Variants in COG3 observed in about 807,000 individuals in gnomAD.
COG3 encodes conserved oligomeric Golgi complex subunit 3.
In COG3, 32 loss-of-function variants were observed where a neutral mutation model predicts 114.1. The ratio of observed to expected loss-of-function variants is 0.28; its 90% CI spans 0.21 to 0.38. COG3 has a LOEUF of 0.38. COG3 is among the 10% of genes least tolerant of loss of function. COG3 has a pLI of 1.00. For synonymous variants in COG3, 352 were observed against 365.7 expected (o/e 0.96, Z 0.43); for missense variants, 813 against 973.2 (o/e 0.84, Z 2.19).
intron 16 of COG3, among the ~76,000 whole-genome samples, chr13:45,514,738 C>A (rs1871359691): frequency 6.6e-6 from 1 of 152,022 alleles, no homozygotes; most frequent in Non-Finnish European, 1.5e-5. Flanking sequence ...AGCTCCGCCT[C>A]CCAGGTTCAC....
chr13:45,502,625 AT>A lies in COG3; in HGVS notation c.1489-608del, dbSNP rs957440386. Among the ~76,000 whole-genome samples the A allele has an allele frequency of 1.2e-3, 179 of 148,316 alleles. 1 individual carries two copies. Among genetic ancestry groups the A allele is most frequent in the Non-Finnish European group, 1.8e-3 (117 of 66,752 alleles). On this transcript the variant is annotated intron_variant, in intron 13 of 22. Coordinates refer to ENST00000349995, the MANE Select transcript of COG3 (RefSeq NM_031431.4). ...TTCCTAATCAATTCTCTGGCTATTA[AT>A]TTTTTTTTTTAATTTCAATAGTTTT...
Position 45,485,988 on chromosome 13 carries a change from C to T in COG3, c.844-507C>T, listed in dbSNP as rs1450236178. 1.5e-4 allele frequency among the ~76,000 whole-genome samples: 9 copies of T among 60,310 alleles called. 1 individual carries two copies. In the South Asian group the frequency reaches 5.4e-3, roughly 36 times the overall value. The allele number at this position is 60,310 out of a possible 152,430, so 39.6% of individuals were successfully genotyped here. On this transcript the variant is annotated intron_variant, in intron 7 of 22. Coordinates refer to ENST00000349995, the MANE Select transcript of COG3 (RefSeq NM_031431.4). ...CTGGGAGGTGTAGGTTGTAGTGAGCCGAGATCACGCCACTGCACTCCAGCC... is the reference window on the plus strand; with the variant it reads ...CTGGGAGGTGTAGGTTGTAGTGAGCTGAGATCACGCCACTGCACTCCAGCC...
At position 45,534,872 on chromosome 13, in the gene COG3, G is replaced by C; in HGVS notation, c.*141G>C. The C allele has an allele frequency of 7.7e-7, 1 of 1,291,808 alleles. No homozygotes were observed. The highest frequency in any genetic ancestry group is 9.8e-7 in the Non-Finnish European group (1 of 1,021,134). The allele number at this position is 1,291,808 out of a possible 1,614,324, so 80.0% of individuals were successfully genotyped here. A position where few individuals can be genotyped will look rare whatever the true frequency, so the allele number is the denominator to read the frequency against. On this transcript the variant is annotated 3_prime_UTR_variant, in exon 23 of 23. Coordinates refer to ENST00000349995, the MANE Select transcript of COG3 (RefSeq NM_031431.4). ...AGCGTGCTGCTCAGTGCTGACTGCA[G>C]AATGAAATAGAAGCAAAGTGTTACA...
At chr13:45,465,274 C>A in intron 1 of COG3, 64 bp downstream of exon 1, 1 of 1,575,988 alleles carries the variant, frequency 6.3e-7, no homozygotes, top group Non-Finnish European at 8.6e-7. Context: ...GGCGCCCCGG[C>A]AGGACCCCGG....
At chr13:45,514,647 C>CT (rs953535890) in intron 16 of COG3, among the ~76,000 whole-genome samples, 25 of 148,364 alleles carry the variant, frequency 1.7e-4, no homozygotes, top group Non-Finnish European at 3.0e-4. Context: ...AGCTTGTGTA[C>CT]TTTTTTTTTT....
At chr13:45,478,000 T>C (rs1325501487) in intron 2 of COG3, among the ~76,000 whole-genome samples, 1 of 152,186 alleles carries the variant, frequency 6.6e-6, no homozygotes, top group Admixed American at 6.5e-5. Flanking sequence ...TTAGATAACG[T>C]TAATATTGAT....
chr13:45,496,008 G>A, intron 12 of COG3, 144 bp from the exon 13 acceptor site: 1 of 611,724 alleles, frequency 1.6e-6, no homozygotes, highest in Admixed American at 3.5e-5. Flanking sequence ...AGCTCATTGA[G>A]TCATGCTGAA....
At chr13:45,480,925 A>G (rs1202193714) in intron 4 of COG3, among the ~76,000 whole-genome samples, 1 of 152,220 alleles carries the variant, frequency 6.6e-6, no homozygotes, top group Non-Finnish European at 1.5e-5. Context: ...GAAAAGATCA[A>G]CTGATTGATT....
chr13:45,532,722 AT>A (rs901774925), intron 22 of COG3, among the ~76,000 whole-genome samples: 7 of 151,082 alleles, frequency 4.6e-5, no homozygotes, highest in Admixed American at 4.0e-4. Context: ...GGCCCCGCCA[AT>A]TTTTTTTATA....
intron 13 of COG3, 71 bp downstream of exon 13, chr13:45,496,383 A>T (rs867934794): frequency 6.0e-5 from 69 of 1,148,682 alleles, no homozygotes; most frequent in Admixed American, 7.8e-5. Flanking sequence ...TTATTTTTTT[A>T]AAAATTTATA....
chr13:45,503,942 CT>C (rs1406946413), intron 14 of COG3, among the ~76,000 whole-genome samples: 1 of 152,072 alleles, frequency 6.6e-6, no homozygotes, highest in Non-Finnish European at 1.5e-5. Flanking sequence ...GAGTAAAATA[CT>C]ATTGACACAG....
At chr13:45,507,623 G>A (rs1051643005) in intron 14 of COG3, among the ~76,000 whole-genome samples, 7 of 152,144 alleles carry the variant, frequency 4.6e-5, no homozygotes, top group Non-Finnish European at 7.4e-5. Flanking sequence ...AAATTAGCTG[G>A]GTGTGGTGGC....
At chr13:45,485,096 G>C (rs900869709) in intron 7 of COG3, among the ~76,000 whole-genome samples, 4 of 145,336 alleles carry the variant, frequency 2.8e-5, no homozygotes, top group African/African-American at 7.5e-5. Context: ...ATCCTGGCCC[G>C]TTCTCAATGA....
rs780161078 is a variant in COG3 at position 45,496,117 on chromosome 13, A to T, written c.1328-35A>T. On this transcript the variant is annotated intron_variant, in intron 12 of 22. Transcript: ENST00000349995. ...TGTTTAAAAGAAAGTGTTTTTCTAA[A>T]TCTAAAAGAATGGATGATTGCACTT... 3 of 1,583,756 alleles carry T rather than the reference A, an allele frequency of 1.9e-6. No individual in the cohort carries two copies. In the African/African-American group the frequency reaches 4.1e-5, roughly 22 times the overall value.
intron 20 of COG3, 96 bp from the exon 21 acceptor site, chr13:45,529,695 C>A: frequency 1.2e-6 from 1 of 817,788 alleles, no homozygotes; most frequent in Non-Finnish European, 1.8e-6. Flanking sequence ...GTCTTTTCTT[C>A]TGCTATTTTT....
intron 13 of COG3, among the ~76,000 whole-genome samples, chr13:45,497,509 A>G (rs1245133464): frequency 6.6e-6 from 1 of 152,024 alleles, no homozygotes; most frequent in East Asian, 1.9e-4. Context: ...TCAGGCTGGG[A>G]ATGGTGGCTC....
chr13:45,471,988 C>T (rs1885534373), intron 1 of COG3, among the ~76,000 whole-genome samples: 1 of 152,162 alleles, frequency 6.6e-6, no homozygotes, highest in African/African-American at 2.4e-5. Flanking sequence ...CTGCCTCGGC[C>T]TCCGAAAGTG....
intron 19 of COG3, among the ~76,000 whole-genome samples, chr13:45,522,043 G>T (rs1432547941): frequency 2.6e-5 from 4 of 152,066 alleles, no homozygotes; most frequent in African/African-American, 9.7e-5. Context: ...GGCCTCAAGG[G>T]ATCTGCTCTC....
At chr13:45,531,265 T>C (rs550097212) in intron 22 of COG3, 1 of 156,804 alleles carries the variant, frequency 6.4e-6, no homozygotes, top group South Asian at 2.0e-4. Context: ...TTTGTAGTTT[T>C]TTAATAACTT....
Sources: gnomAD v4.1 joint callset for allele counts (sites outside exome capture counted in the v4.1 genomes callset) on GRCh38, gnomAD v4.1.1 for gene constraint, MANE v1.5 for transcripts, NCBI Gene and HGNC (gene_info 2026-07-23, HGNC 2026-07-21) for gene names.